The following COBL variants were observed in gnomAD, a reference collection of about 807,000 sequenced individuals.
COBL encodes the protein protein cordon-bleu.
COBL carries 51 observed loss-of-function variants against 98.8 expected under a neutral mutation model. That is an observed-to-expected ratio of 0.52 (90% CI 0.41 to 0.65). The LOEUF (loss-of-function observed/expected upper bound fraction) is 0.65. COBL is among the 30% of genes least tolerant of loss of function. The pLI is 0.00. For missense variants in COBL, 1,617 were observed against 1,617.5 expected (o/e 1.00, Z 0.01); for synonymous variants, 634 against 651.7 (o/e 0.97, Z 0.41).
intron 7 of COBL, chr7:51,073,269 G>C: frequency 1.6e-6 from 1 of 620,124 alleles, no homozygotes; most frequent in Non-Finnish European, 3.0e-6. Flanking sequence ...AAAGGAGGAA[G>C]AACAACAGGA....
At chr7:51,100,169 C>A (rs537712933) in intron 6 of COBL, among the ~76,000 whole-genome samples, 4 of 152,168 alleles carry the variant, frequency 2.6e-5, no homozygotes, top group Non-Finnish European at 4.4e-5. Context: ...GGTGATTGTT[C>A]AAATGTTATA....
chr7:51,299,857 G>T (rs1054922558), intron 1 of COBL, among the ~76,000 whole-genome samples: 1 of 152,272 alleles, frequency 6.6e-6, no homozygotes, highest in South Asian at 2.1e-4. Context: ...CAGGTCATCT[G>T]TACCCTACTT....
intron 6 of COBL, among the ~76,000 whole-genome samples, chr7:51,096,291 C>G (rs1795264972): frequency 6.6e-6 from 1 of 151,986 alleles, no homozygotes; most frequent in South Asian, 2.1e-4. Flanking sequence ...GAAGAAATCA[C>G]AAGGGTAGTC....
chr7:51,248,674 C>G (rs1796473211), intron 1 of COBL, among the ~76,000 whole-genome samples: 1 of 152,146 alleles, frequency 6.6e-6, no homozygotes, highest in Admixed American at 6.5e-5. Context: ...TTTAACACTC[C>G]TCAATCTACC....
chr7:51,098,659 A>G (rs1795527627), intron 6 of COBL, among the ~76,000 whole-genome samples: 1 of 152,186 alleles, frequency 6.6e-6, no homozygotes, highest in Admixed American at 6.5e-5. Flanking sequence ...AAGTTCCTAG[A>G]AGAAAACATA....
At chr7:51,126,826 A>G (rs552909286) in intron 6 of COBL, among the ~76,000 whole-genome samples, 1 of 152,228 alleles carries the variant, frequency 6.6e-6, no homozygotes, top group African/African-American at 2.4e-5. Flanking sequence ...GCAGAACATC[A>G]TCCAAGTCGC....
intron 5 of COBL, among the ~76,000 whole-genome samples, chr7:51,151,432 C>T (rs533231705): frequency 5.9e-5 from 9 of 152,312 alleles, no homozygotes; most frequent in South Asian, 4.1e-4. Flanking sequence ...AATCTGCCCC[C>T]ACTCTGGCGT....
Position 51,016,968 on chromosome 7 carries a change from T to C in COBL, c.*583A>G, listed in dbSNP as rs1410909712. 7.4e-6 allele frequency: 3 copies of C among 403,876 alleles called. No homozygotes were observed. The highest frequency in any genetic ancestry group is 4.1e-5 in the African/African-American group (2 of 48,642). 25.0% of individuals were successfully genotyped at this position (403,876 alleles called of 1,614,324 possible). Reference sequence around the variant, plus strand: ...TGGACTGTGACCCTCTGTGAAGTGTTAGCCCCAAATATTTGAGGAAGAAGA... The same window carrying C: ...TGGACTGTGACCCTCTGTGAAGTGTCAGCCCCAAATATTTGAGGAAGAAGA... On this transcript the variant is annotated 3_prime_UTR_variant, in exon 13 of 13. Transcript: ENST00000265136.
intron 12 of COBL, among the ~76,000 whole-genome samples, chr7:51,020,503 T>C (rs1020770382): frequency 2.4e-4 from 36 of 152,344 alleles, no homozygotes; most frequent in African/African-American, 8.2e-4. Flanking sequence ...GCACTAGACA[T>C]GAATGTTTTA....
chr7:51,254,140 A>G (rs1010516623), intron 1 of COBL, among the ~76,000 whole-genome samples: 2 of 152,014 alleles, frequency 1.3e-5, no homozygotes, highest in African/African-American at 4.8e-5. Flanking sequence ...GCACAAAGAT[A>G]TATACCATAA....
intron 1 of COBL, chr7:51,259,478 G>T: frequency 1.7e-6 from 1 of 591,646 alleles, no homozygotes; most frequent in South Asian, 1.7e-5. Flanking sequence ...CCGACAGCCA[G>T]GTGGGGCCCA....
chr7:51,142,342 T>C (rs1424998374), intron 5 of COBL, among the ~76,000 whole-genome samples: 1 of 152,056 alleles, frequency 6.6e-6, no homozygotes, highest in East Asian at 1.9e-4. Context: ...GCAAGACATT[T>C]TCTTAAAATG....
At chr7:51,208,351 C>G (rs544874581) in intron 2 of COBL, among the ~76,000 whole-genome samples, 5 of 151,184 alleles carry the variant, frequency 3.3e-5, no homozygotes, top group Admixed American at 1.3e-4. Context: ...GGGGTCAGCC[C>G]CCCGCCAGGC....
At chr7:51,244,451 G>A (rs1304649321) in intron 1 of COBL, among the ~76,000 whole-genome samples, 1 of 152,114 alleles carries the variant, frequency 6.6e-6, no homozygotes, top group East Asian at 1.9e-4. Context: ...CCACTCACAT[G>A]TCCAAAACCT....
At chr7:51,283,430 G>C (rs943016961) in intron 1 of COBL, among the ~76,000 whole-genome samples, 1 of 152,200 alleles carries the variant, frequency 6.6e-6, no homozygotes, top group African/African-American at 2.4e-5. Context: ...ACTCATTAAA[G>C]ATTAAATAGA....
intron 6 of COBL, among the ~76,000 whole-genome samples, chr7:51,110,565 T>A (rs1007155958): frequency 1.3e-5 from 2 of 152,236 alleles, no homozygotes; most frequent in African/African-American, 4.8e-5. Context: ...CAATAAGTTA[T>A]CGGGGTACAG....
At chr7:51,053,024 C>T (rs1790385175) in intron 7 of COBL, among the ~76,000 whole-genome samples, 1 of 152,316 alleles carries the variant, frequency 6.6e-6, no homozygotes, top group East Asian at 1.9e-4. Context: ...GCCTTTGTGG[C>T]TGCCTTTAAC....
In COBL at chr7:51,316,581, G is replaced by T. The variant is rs1196666624; in HGVS notation, c.41+12C>A. 1.9e-4 allele frequency: 228 copies of T among 1,208,884 alleles called. 1 individual carries two copies. The highest frequency in any genetic ancestry group is 2.3e-4 in the Non-Finnish European group (222 of 973,226). The allele number at this position is 1,208,884 out of a possible 1,614,324, so 74.9% of individuals were successfully genotyped here. On this transcript the variant is annotated intron_variant, in intron 1 of 12. Coordinates refer to ENST00000265136, the MANE Select transcript of COBL (RefSeq NM_015198.5). ...CCCCCTCTCCACCCCGCCCGACCGC[G>T]GGGCCGCTTACCCGGTCGGGGGCTT... is the stretch of plus-strand genomic sequence containing the variant.
intron 2 of COBL, among the ~76,000 whole-genome samples, chr7:51,215,645 A>G (rs1316350064): frequency 1.3e-5 from 2 of 152,268 alleles, no homozygotes; most frequent in African/African-American, 4.8e-5. Flanking sequence ...GACTTTTGGA[A>G]CAGCCTTCTT....
Sources: allele counts gnomAD v4.1 joint callset (sites outside exome capture counted in the v4.1 genomes callset), GRCh38; gene constraint gnomAD v4.1.1; transcripts MANE v1.5; gene names NCBI Gene and HGNC (gene_info 2026-07-23, HGNC 2026-07-21).